Variants in HNRNPA0 observed in about 807,000 individuals in gnomAD.
HNRNPA0 encodes the protein hnRNA binding protein.
For missense variants in HNRNPA0, 252 were observed against 433.7 expected (o/e 0.58, Z 3.72); for synonymous variants, 243 against 195.5 (o/e 1.24, Z -2.03).
In HNRNPA0 at chr5:137,753,208, T is replaced by A; in HGVS notation, c.859A>T (p.Ser287Cys). 6.8e-6 allele frequency: 11 copies of A among 1,613,304 alleles called. No individual in the cohort carries two copies. The highest frequency in any genetic ancestry group is 9.3e-6 in the Non-Finnish European group (11 of 1,179,862). ...CCATAGCCGCCTCTGTAAGGTCCAC[T>A]ATTACTGCGACCGCCCCAGCTACTG... ...GGSSWGGRSN[S>C]GPYRGGYGGG... The change falls in exon 1 of 1, where the codon AGT becomes TGT. Residue 287 changes from serine to cysteine, a missense_variant. By Grantham distance (112) the Ser-to-Cys change is moderately radical. Coordinates refer to ENST00000314940, the MANE Select transcript of HNRNPA0 (RefSeq NM_006805.4). The surrounding 1 kb of genome is among the most constrained non-coding windows in gnomAD (Gnocchi z 6.1).
chr5:137,748,923 AAT>A lies in HNRNPA0; in HGVS notation c.*4224_*4225del, dbSNP rs1413625627. ...TAACTCCAATTTTGATGGTGTGAACAATATGAGATTGTGACACAATGCTGTAA... is the reference window on the plus strand; with the variant it reads ...TAACTCCAATTTTGATGGTGTGAACAATGAGATTGTGACACAATGCTGTAA... On this transcript the variant is annotated 3_prime_UTR_variant, in exon 1 of 1. Coordinates refer to ENST00000314940, the MANE Select transcript of HNRNPA0 (RefSeq NM_006805.4). The A allele has an allele frequency of 5.8e-5, 6 of 103,084 alleles. No individual in the cohort carries two copies. The highest frequency in any genetic ancestry group is 1.9e-4 in the African/African-American group (6 of 31,342). 6.4% of individuals were successfully genotyped at this position (103,084 alleles called of 1,614,324 possible). A position where few individuals can be genotyped will look rare whatever the true frequency, so the allele number is the denominator to read the frequency against.
chr5:137,749,961 G>C lies in HNRNPA0; in HGVS notation c.*3188C>G, dbSNP rs7714367. The C allele has an allele frequency of 4.2e-4, 64 of 152,214 alleles. No individual in the cohort carries two copies. Among genetic ancestry groups the C allele is most frequent in the African/African-American group, 1.5e-3 (63 of 41,536 alleles). 9.4% of individuals were successfully genotyped at this position (152,214 alleles called of 1,614,324 possible). On this transcript the variant is annotated 3_prime_UTR_variant, in exon 1 of 1. Coordinates refer to ENST00000314940, the MANE Select transcript of HNRNPA0 (RefSeq NM_006805.4). ...TGAAAATTAGATTTGAATATGAAAC[G>C]TTCCAAATCACTAAGTTAAAAATGG...
Position 137,753,375 on chromosome 5 carries a change from T to C in HNRNPA0, c.692A>G (p.Tyr231Cys), listed in dbSNP as rs1444139683. The change falls in exon 1 of 1, where the codon TAC becomes TGC. Residue 231 changes from tyrosine to cysteine, a missense_variant. Transcript: ENST00000314940. This position sits in a 1 kb window ranked among gnomAD's most constrained non-coding sequence, Gnocchi z 6.1. ...GCCGCCGCCGCCTCCGTAGGCATTG[T>C]AGCCGCCGCCTCCGCCGCCGCCGTA... ...GGYGGGGGGGYNAYGGGGGGS... is the reference protein window; with the variant it reads ...GGYGGGGGGGCNAYGGGGGGS... The C allele has an allele frequency of 3.2e-6, 5 of 1,545,332 alleles. No homozygotes were observed. The African/African-American group carries it at 4.2e-5, about 13-fold the overall frequency.
chr5:137,751,441 A>G lies in HNRNPA0; in HGVS notation c.*1708T>C, dbSNP rs1421665593. On this transcript the variant is annotated 3_prime_UTR_variant, in exon 1 of 1. Coordinates refer to ENST00000314940, the MANE Select transcript of HNRNPA0 (RefSeq NM_006805.4). ...CCAATCTTTCAGAAAGCTTCTTAGT[A>G]TAGCTTTGAGCCTTCAACGTCAACA... 1 of 150,286 alleles carries G rather than the reference A, an allele frequency of 6.7e-6. No individual in the cohort carries two copies. Among genetic ancestry groups the G allele is most frequent in the Non-Finnish European group, 1.5e-5 (1 of 67,706 alleles). 9.3% of individuals were successfully genotyped at this position (150,286 alleles called of 1,614,324 possible).
Position 137,748,116 on chromosome 5 carries a change from TAC to T in HNRNPA0, c.*5031_*5032del, listed in dbSNP as rs1561628090. 6.6e-6 allele frequency: 1 copy of T among 152,202 alleles called. No individual in the cohort carries two copies. The highest frequency in any genetic ancestry group is 1.5e-5 in the Non-Finnish European group (1 of 68,030). 9.4% of individuals were successfully genotyped at this position (152,202 alleles called of 1,614,324 possible). A position where few individuals can be genotyped will look rare whatever the true frequency, so the allele number is the denominator to read the frequency against. On this transcript the variant is annotated 3_prime_UTR_variant, in exon 1 of 1. Coordinates refer to ENST00000314940, the MANE Select transcript of HNRNPA0 (RefSeq NM_006805.4). ...CCTAGTGTTTGGCATCCAATATGCATACTTCTCCAAATACGCTCCATGTTTCT... is the reference window on the plus strand; with the variant it reads ...CCTAGTGTTTGGCATCCAATATGCATTTCTCCAAATACGCTCCATGTTTCT...
Position 137,747,751 on chromosome 5 carries a change from T to G in HNRNPA0, c.*5398A>C, listed in dbSNP as rs1414927651. 6.6e-6 allele frequency: 1 copy of G among 152,208 alleles called. No individual in the cohort carries two copies. Among genetic ancestry groups the G allele is most frequent in the East Asian group, 1.9e-4 (1 of 5,202 alleles). The allele number at this position is 152,208 out of a possible 1,614,324, so 9.4% of individuals were successfully genotyped here. On this transcript the variant is annotated 3_prime_UTR_variant, in exon 1 of 1. Coordinates refer to ENST00000314940, the MANE Select transcript of HNRNPA0 (RefSeq NM_006805.4). ...TGTGAATTAGTTTCACTACCATTAT[T>G]GTTGCTCAAAAACCTTTAATGACTT...
In HNRNPA0 at chr5:137,753,854, G is replaced by A. The variant is rs1484283401; in HGVS notation, c.213C>T (p.Ala71=). The change falls in exon 1 of 1, where the codon GCC becomes GCT. Residue 71 remains alanine, a synonymous_variant. Coordinates refer to ENST00000314940, the MANE Select transcript of HNRNPA0 (RefSeq NM_006805.4). The surrounding 1 kb of genome is among the most constrained non-coding windows in gnomAD (Gnocchi z 6.1). ...ADAAMAASPH[A]VDGNTVELKR... ...TCAGCTCCACAGTGTTGCCGTCCAC[G>A]GCATGGGGCGAGGCGGCCATGGCGG... 10 of 1,612,952 alleles carry A rather than the reference G, an allele frequency of 6.2e-6. No individual in the cohort carries two copies. The highest frequency in any genetic ancestry group is 1.1e-5 in the South Asian group (1 of 91,082).
In HNRNPA0 at chr5:137,747,490, C is replaced by T. The variant is rs1296942749; in HGVS notation, c.*5659G>A. ...TTCCTATTACCAGTGGCATCACCAT[C>T]CTCTCACACAGTAATTTTGATTAAT... On this transcript the variant is annotated 3_prime_UTR_variant, in exon 1 of 1. Transcript: ENST00000314940. The T allele has an allele frequency of 1.3e-5, 2 of 152,214 alleles. No homozygotes were observed. The highest frequency in any genetic ancestry group is 2.9e-5 in the Non-Finnish European group (2 of 68,036). 9.4% of individuals were successfully genotyped at this position (152,214 alleles called of 1,614,324 possible). A position where few individuals can be genotyped will look rare whatever the true frequency, so the allele number is the denominator to read the frequency against.
In HNRNPA0 at chr5:137,754,082, C is replaced by T. The variant is rs370328533; in HGVS notation, c.-16G>A. 3 of 1,596,662 alleles carry T rather than the reference C, an allele frequency of 1.9e-6. No individual in the cohort carries two copies. The highest frequency in any genetic ancestry group is 1.7e-6 in the Non-Finnish European group (2 of 1,169,996). On this transcript the variant is annotated 5_prime_UTR_variant, in exon 1 of 1. Transcript: ENST00000314940. ...AATTCTCCATCTCCAAGGCCCGGGC[C>T]TTGCCCCCGCCCTGCGAGCTCCGAG...
chr5:137,753,542 G>A lies in HNRNPA0; in HGVS notation c.525C>T (p.Pro175=), dbSNP rs781091616. ...CCCCACCGGAGTAGATATCCTCCTTGGGGACTGCTTTCTTCACCTCCACGC... is the reference window on the plus strand; with the variant it reads ...CCCCACCGGAGTAGATATCCTCCTTAGGGACTGCTTTCTTCACCTCCACGC... The part of the protein sequence containing the change: ...GHRVEVKKAV[P]KEDIYSGGGG... The change falls in exon 1 of 1, where the codon CCC becomes CCT. Residue 175 remains proline, a synonymous_variant. Transcript: ENST00000314940. The surrounding 1 kb of genome is among the most constrained non-coding windows in gnomAD (Gnocchi z 6.1). The A allele has an allele frequency of 3.1e-6, 5 of 1,612,672 alleles. No individual in the cohort carries two copies. The highest frequency in any genetic ancestry group is 2.2e-5 in the South Asian group (2 of 90,956).
rs1186480726 is a variant in HNRNPA0 at position 137,753,101 on chromosome 5, T to C, written c.*48A>G. ...TAGGAGTTGACCCCACTTGGGCTGT[T>C]GGAAAGAGCTACCCCTATAGCCACT... is the stretch of plus-strand genomic sequence containing the variant. On this transcript the variant is annotated 3_prime_UTR_variant, in exon 1 of 1. Coordinates refer to ENST00000314940, the MANE Select transcript of HNRNPA0 (RefSeq NM_006805.4). This position sits in a 1 kb window ranked among gnomAD's most constrained non-coding sequence, Gnocchi z 6.1. 2 of 1,557,388 alleles carry C rather than the reference T, an allele frequency of 1.3e-6. No individual in the cohort carries two copies. Among genetic ancestry groups the C allele is most frequent in the Admixed American group, 1.8e-5 (1 of 55,162 alleles).
Position 137,753,998 on chromosome 5 carries a change from C to T in HNRNPA0, c.69G>A (p.Leu23=). The T allele has an allele frequency of 6.2e-7, 1 of 1,614,120 alleles. No individual in the cohort carries two copies. The highest frequency in any genetic ancestry group is 1.7e-5 in the Admixed American group (1 of 60,036). Residue 23 remains leucine (L), a synonymous_variant, in exon 1 of 1, where the codon CTG becomes CTA. Coordinates refer to ENST00000314940, the MANE Select transcript of HNRNPA0 (RefSeq NM_006805.4). This position sits in a 1 kb window ranked among gnomAD's most constrained non-coding sequence, Gnocchi z 6.1. ...TCCCAAAGGCCTCAAAGTGGCCGCG[C>T]AGGCCCGACTCACTCGTCTGCACAT... ...GLNVQTSESG[L]RGHFEAFGTL... is the part of the protein sequence containing the mutation.
Position 137,748,080 on chromosome 5 carries a change from T to G in HNRNPA0, c.*5069A>C, listed in dbSNP as rs112637745. The G allele has an allele frequency of 6.6e-6, 1 of 152,160 alleles. No individual in the cohort carries two copies. Among genetic ancestry groups the G allele is most frequent in the Non-Finnish European group, 1.5e-5 (1 of 68,008 alleles). 9.4% of individuals were successfully genotyped at this position (152,160 alleles called of 1,614,324 possible). On this transcript the variant is annotated 3_prime_UTR_variant, in exon 1 of 1. Transcript: ENST00000314940. ...TTACTGAATGATGCAATGAGAACAT[T>G]TGTAAATGTACCTAGTGTTTGGCAT...
In HNRNPA0 at chr5:137,746,624, T is replaced by C. The variant is rs527615103; in HGVS notation, c.*6525A>G. ...TACCCATACCACCTATTTTAAAGTA[T>C]GCTATCCTCACAAACATCCCTTGCA... On this transcript the variant is annotated 3_prime_UTR_variant, in exon 1 of 1. Coordinates refer to ENST00000314940, the MANE Select transcript of HNRNPA0 (RefSeq NM_006805.4). The C allele has an allele frequency of 3.6e-4, 55 of 152,344 alleles. No individual in the cohort carries two copies. The highest frequency in any genetic ancestry group is 1.3e-3 in the African/African-American group (53 of 41,584). The allele number at this position is 152,344 out of a possible 1,614,324, so 9.4% of individuals were successfully genotyped here. A position where few individuals can be genotyped will look rare whatever the true frequency, so the allele number is the denominator to read the frequency against.
rs1401579714 is a variant in HNRNPA0 at position 137,754,345 on chromosome 5, C to T, written c.-279G>A. 1 of 468,034 alleles carries T rather than the reference C, an allele frequency of 2.1e-6. No individual in the cohort carries two copies. Among genetic ancestry groups the T allele is most frequent in the Non-Finnish European group, 4.0e-6 (1 of 252,440 alleles). The allele number at this position is 468,034 out of a possible 1,614,324, so 29.0% of individuals were successfully genotyped here. On this transcript the variant is annotated 5_prime_UTR_variant, in exon 1 of 1. Coordinates refer to ENST00000314940, the MANE Select transcript of HNRNPA0 (RefSeq NM_006805.4). ...GCCGCCGCCACCTCCGCTCCCCTAT[C>T]TGGGCACCACACAAAGAGGCCGCTG...
rs1433615608 is a variant in HNRNPA0, at chr5:137,748,850, A to G, written c.*4299T>C. The G allele has an allele frequency of 1.3e-5, 2 of 152,196 alleles. No individual in the cohort carries two copies. Among genetic ancestry groups the G allele is most frequent in the Non-Finnish European group, 2.9e-5 (2 of 68,020 alleles). 9.4% of individuals were successfully genotyped at this position (152,196 alleles called of 1,614,324 possible). On this transcript the variant is annotated 3_prime_UTR_variant, in exon 1 of 1. Coordinates refer to ENST00000314940, the MANE Select transcript of HNRNPA0 (RefSeq NM_006805.4). Reference sequence around the variant, plus strand: ...CTAAAAAGTAATCAATTAAGGAGAAAAGAGTCTTAATTTTCATCAGAGAAT... The same window carrying G: ...CTAAAAAGTAATCAATTAAGGAGAAGAGAGTCTTAATTTTCATCAGAGAAT...
Position 137,753,347 on chromosome 5 carries a change from A to T in HNRNPA0, c.720T>A (p.Gly240=). The change falls in exon 1 of 1, where the codon GGT becomes GGA. Residue 240 remains glycine, a synonymous_variant. Coordinates refer to ENST00000314940, the MANE Select transcript of HNRNPA0 (RefSeq NM_006805.4). The surrounding 1 kb of genome is among the most constrained non-coding windows in gnomAD (Gnocchi z 6.1). ...CGTAGTCGCTCCCACCGTAGGACGA[A>T]CCGCCGCCGCCGCCTCCGTAGGCAT... ...GYNAYGGGGG[G]SSYGGSDYGN... 6.4e-7 allele frequency: 1 copy of T among 1,550,694 alleles called. No homozygotes were observed. The highest frequency in any genetic ancestry group is 8.7e-7 in the Non-Finnish European group (1 of 1,147,496).
chr5:137,748,926 A>G lies in HNRNPA0; in HGVS notation c.*4223T>C, dbSNP rs1753451807. The G allele has an allele frequency of 6.6e-6, 1 of 152,178 alleles. No homozygotes were observed. Among genetic ancestry groups the G allele is most frequent in the African/African-American group, 2.4e-5 (1 of 41,446 alleles). 9.4% of individuals were successfully genotyped at this position (152,178 alleles called of 1,614,324 possible). ...CTCCAATTTTGATGGTGTGAACAAT[A>G]TGAGATTGTGACACAATGCTGTAAA... On this transcript the variant is annotated 3_prime_UTR_variant, in exon 1 of 1. Transcript: ENST00000314940.
chr5:137,750,954 T>A lies in HNRNPA0; in HGVS notation c.*2195A>T, dbSNP rs1475613073. 1 of 152,142 alleles carries A rather than the reference T, an allele frequency of 6.6e-6. No homozygotes were observed. 9.4% of individuals were successfully genotyped at this position (152,142 alleles called of 1,614,324 possible). A position where few individuals can be genotyped will look rare whatever the true frequency, so the allele number is the denominator to read the frequency against. On this transcript the variant is annotated 3_prime_UTR_variant, in exon 1 of 1. Coordinates refer to ENST00000314940, the MANE Select transcript of HNRNPA0 (RefSeq NM_006805.4). ...AAACTGAGTAAGTCAAGCAGAGTAG[T>A]ATTTAACAATTACAACGAAAAATTT...
Sources: gnomAD v4.1 joint callset for allele counts on GRCh38, gnomAD v4.1.1 for gene constraint, Gnocchi (gnomAD v3.1) non-coding constraint, MANE v1.5 for transcripts, NCBI Gene and HGNC (gene_info 2026-07-23, HGNC 2026-07-21) for gene names.